The following KIAA1217 variants were observed in gnomAD, a reference collection of about 807,000 sequenced individuals.
KIAA1217 encodes the protein KIAA1217.
In KIAA1217, 88 loss-of-function variants were observed where a neutral mutation model predicts 163.9. That is an observed-to-expected ratio of 0.54 (90% CI 0.45 to 0.64). KIAA1217 has a LOEUF of 0.64. Ranked by LOEUF, KIAA1217 falls within the 30% of genes least tolerant of loss-of-function variation. The probability of loss-of-function intolerance (pLI) is 0.00; values close to 1 mark genes in which losing one functional copy is unlikely to be tolerated. For synonymous variants in KIAA1217, 903 were observed against 923.1 expected (o/e 0.98, Z 0.39); for missense variants, 2,372 against 2,475.0 (o/e 0.96, Z 0.88).
chr10:23,704,182 A>ATATATATATATATATATATT (rs1564351764), intron 1 of KIAA1217, among the ~76,000 whole-genome samples: 8 of 97,270 alleles, frequency 8.2e-5, no homozygotes, highest in Admixed American at 9.4e-5. Context: ...GTATATATAT[A>ATATATATATATATATATATT]TATATATATA....
At chr10:24,269,417 G>A (rs1437995482) in intron 2 of KIAA1217, among the ~76,000 whole-genome samples, 2 of 151,948 alleles carry the variant, frequency 1.3e-5, no homozygotes, top group Non-Finnish European at 2.9e-5. Context: ...CTAGCTACTC[G>A]GGAGGCTGAG....
intron 2 of KIAA1217, among the ~76,000 whole-genome samples, chr10:24,285,957 G>A (rs148958268): frequency 1.3e-5 from 2 of 151,584 alleles, no homozygotes; most frequent in African/African-American, 2.4e-5. Flanking sequence ...TTTTATTATC[G>A]TGTGTGTGTG....
intron 6 of KIAA1217, among the ~76,000 whole-genome samples, chr10:24,491,796 G>T (rs1046487692): frequency 3.3e-5 from 5 of 151,976 alleles, no homozygotes; most frequent in Admixed American, 1.3e-4. Context: ...CCTATTTCTT[G>T]CATTTCTTAA....
chr10:24,323,935 G>A (rs905138558), intron 2 of KIAA1217, among the ~76,000 whole-genome samples: 3 of 151,880 alleles, frequency 2.0e-5, no homozygotes, highest in African/African-American at 7.3e-5. Context: ...ATCAAAGGAA[G>A]AATAATAAGT....
intron 2 of KIAA1217, among the ~76,000 whole-genome samples, chr10:24,363,343 G>A (rs2050278118): frequency 6.6e-6 from 1 of 152,094 alleles, no homozygotes; most frequent in Admixed American, 6.5e-5. Flanking sequence ...GCCACATTTA[G>A]CCTTTCAAAG....
rs138271912 is a variant in KIAA1217 at position 24,491,170 on chromosome 10, A to C, written c.1680-3330A>C. On this transcript the variant is annotated intron_variant, in intron 6 of 20. Coordinates refer to ENST00000376454, the MANE Select transcript of KIAA1217 (RefSeq NM_019590.5). ...CAGCTCCCCAGACTTCCATGTGTAGATGACGTGGTCTGTGTTGTGACATTC... is the reference window on the plus strand; with the variant it reads ...CAGCTCCCCAGACTTCCATGTGTAGCTGACGTGGTCTGTGTTGTGACATTC... 2.0e-4 allele frequency among the ~76,000 whole-genome samples: 30 copies of C among 150,734 alleles called. No homozygotes were observed. The East Asian group carries it at 5.6e-3, about 28-fold the overall frequency.
chr10:24,312,687 G>A (rs2042861754), intron 2 of KIAA1217, among the ~76,000 whole-genome samples: 1 of 152,136 alleles, frequency 6.6e-6, no homozygotes, highest in Non-Finnish European at 1.5e-5. Flanking sequence ...GAGGATGAGA[G>A]GGAGGATTGC....
intron 1 of KIAA1217, among the ~76,000 whole-genome samples, chr10:23,746,200 T>C (rs1017735420): frequency 6.6e-6 from 1 of 152,130 alleles, no homozygotes; most frequent in Admixed American, 6.5e-5. Context: ...AACTGCCTGT[T>C]TAAAAGAATC....
At chr10:24,244,314 G>A (rs114212115) in intron 2 of KIAA1217, among the ~76,000 whole-genome samples, 1,798 of 152,250 alleles carry the variant, frequency 0.012, 30 homozygotes, top group African/African-American at 0.04. Flanking sequence ...ATTTCTAGAA[G>A]CTCTTTACAG....
At chr10:23,812,833 G>C (rs567897191) in intron 1 of KIAA1217, among the ~76,000 whole-genome samples, 139 of 152,200 alleles carry the variant, frequency 9.1e-4, no homozygotes, top group African/African-American at 3.3e-3. Context: ...ATTTTACTTA[G>C]CATAACATTT....
At chr10:24,065,280 A>C (rs1190972053) in intron 2 of KIAA1217, among the ~76,000 whole-genome samples, 2 of 151,926 alleles carry the variant, frequency 1.3e-5, no homozygotes, top group Non-Finnish European at 2.9e-5. Context: ...GTGGGCATTT[A>C]GTGCTATAAA....
intron 5 of KIAA1217, among the ~76,000 whole-genome samples, chr10:24,454,406 G>A (rs777600278): frequency 1.3e-4 from 20 of 152,128 alleles, no homozygotes; most frequent in Non-Finnish European, 1.5e-5. Flanking sequence ...ATCAAAGGTC[G>A]TGCTTTGCCT....
intron 2 of KIAA1217, among the ~76,000 whole-genome samples, chr10:24,370,866 C>G (rs2051543470): frequency 6.6e-6 from 1 of 152,302 alleles, no homozygotes; most frequent in South Asian, 2.1e-4. Context: ...GTGTAAGCCA[C>G]CACACCTAGT....
At chr10:24,092,928 T>TGTGTGTGTGTTGTGTGTG (rs548350322) in intron 2 of KIAA1217, among the ~76,000 whole-genome samples, 1 of 140,952 alleles carries the variant, frequency 7.1e-6, no homozygotes, top group African/African-American at 2.7e-5. Context: ...TGTGTGTGTG[T>TGTGTGTGTGTTGTGTGTG]TGTGTGTGTG....
intron 2 of KIAA1217, among the ~76,000 whole-genome samples, chr10:24,230,502 G>GTT (rs71397936): frequency 0.21 from 19,368 of 90,578 alleles, 3,321 homozygotes; most frequent in South Asian, 0.32. Context: ...TATTTGTTTT[G>GTT]TTTTTTTTTT....
chr10:23,899,877 TA>T (rs1841881506), intron 1 of KIAA1217, among the ~76,000 whole-genome samples: 1 of 152,146 alleles, frequency 6.6e-6, no homozygotes, highest in Non-Finnish European at 1.5e-5. Context: ...TACTTTGATT[TA>T]GTCCAGTCTT....
intron 1 of KIAA1217, among the ~76,000 whole-genome samples, chr10:23,781,908 A>T (rs919159903): frequency 4.6e-5 from 7 of 152,076 alleles, no homozygotes; most frequent in Non-Finnish European, 1.0e-4. Flanking sequence ...TAGGCTCTGT[A>T]TTCTGTTCCA....
intron 2 of KIAA1217, among the ~76,000 whole-genome samples, chr10:24,313,878 C>T (rs1464730076): frequency 1.6e-5 from 2 of 127,834 alleles, no homozygotes; most frequent in Non-Finnish European, 3.2e-5. Flanking sequence ...CTCACTCTGT[C>T]ACCCAGGCTG....
chr10:24,496,998 C>G (rs2066871123), intron 8 of KIAA1217, among the ~76,000 whole-genome samples: 1 of 152,198 alleles, frequency 6.6e-6, no homozygotes, highest in South Asian at 2.1e-4. Flanking sequence ...AGCACGTGGA[C>G]TCACTCCCCA....
Sources: gnomAD v4.1 joint callset for allele counts (sites outside exome capture counted in the v4.1 genomes callset) on GRCh38, gnomAD v4.1.1 for gene constraint, MANE v1.5 for transcripts, NCBI Gene and HGNC (gene_info 2026-07-23, HGNC 2026-07-21) for gene names.